The following RBM4 variants were observed in gnomAD, a reference collection of about 807,000 sequenced individuals.
The protein encoded by RBM4 is RNA binding motif protein 4, also known as RNA-binding protein 4.
In RBM4, 7 loss-of-function variants were observed where a neutral mutation model predicts 29.5. The ratio of observed to expected loss-of-function variants is 0.24; its 90% CI spans 0.14 to 0.45. The LOEUF (loss-of-function observed/expected upper bound fraction) is 0.45, where lower values mean the gene tolerates loss of function less well. Among genes scored for constraint, RBM4 ranks in the 20% least tolerant of loss-of-function variants. The pLI is 1.00. For missense variants in RBM4, 387 were observed against 502.3 expected, an observed-to-expected ratio of 0.77 and a Z score of 2.19; for synonymous variants, 220 against 205.4, an observed-to-expected ratio of 1.07 and a Z score of -0.61.
At chr11:66,654,999 T>G (rs1047318125) in intron 2 of RBM4, among the ~76,000 whole-genome samples, 4 of 151,896 alleles carry the variant, frequency 2.6e-5, no homozygotes, top group Non-Finnish European at 5.9e-5. Context: ...TAAATTTTTT[T>G]TTTGAGATGG....
At chr11:66,648,808 C>T (rs1273016614), downstream of RBM4, among the ~76,000 whole-genome samples, 1 of 151,310 alleles carries the variant, frequency 6.6e-6, no homozygotes, top group Non-Finnish European at 1.5e-5. Flanking sequence ...GGCAAGACTT[C>T]TCTCAAAAAA....
chr11:66,644,379 T>A, intron 3 of RBM4: 1 of 545,572 alleles, frequency 1.8e-6, no homozygotes, highest in Non-Finnish European at 3.0e-6. Flanking sequence ...ATTCTATTTG[T>A]GCCTAGAAAA....
chr11:66,640,506 T>A, intron 2 of RBM4: 1 of 405,768 alleles, frequency 2.5e-6, no homozygotes, highest in African/African-American at 2.0e-5. Flanking sequence ...GAATTCTGCA[T>A]TTTACGTGAA....
chr11:66,662,772 C>A (rs1298256993), intron 2 of RBM4, among the ~76,000 whole-genome samples: 2 of 152,212 alleles, frequency 1.3e-5, no homozygotes, highest in Non-Finnish European at 2.9e-5. Context: ...CTGAGGCCAG[C>A]AAAACCTGCA....
intron 3 of RBM4, 29 bp from the exon 4 acceptor site, chr11:66,645,998 T>G: frequency 6.5e-7 from 1 of 1,536,104 alleles, no homozygotes; most frequent in Non-Finnish European, 8.7e-7. Context: ...AGCTTTGCTG[T>G]AAAGCCGCTG....
intron 2 of RBM4, chr11:66,665,302 G>A (rs1011949103): frequency 5.4e-5 from 26 of 477,632 alleles, no homozygotes; most frequent in African/African-American, 5.0e-4. Flanking sequence ...GATAAGAGGG[G>A]TTCCACTGCA....
At chr11:66,646,510 G>A (rs1938699049), downstream of RBM4, 1 of 989,504 alleles carries the variant, frequency 1.0e-6, no homozygotes, top group Non-Finnish European at 1.2e-6. Flanking sequence ...GGGCTTGTTT[G>A]GGGGTTCATT....
rs372833572 is a variant in RBM4, at chr11:66,667,394, C to T, written c.*1429C>T. On this transcript the variant is annotated 3_prime_UTR_variant, in exon 3 of 3. Transcript: ENST00000396053. ...ACACATCTGAAAATTACCAGTTTAT[C>T]TAACTCCTTAAATGTTCCTCTCTTC... is the stretch of plus-strand genomic sequence containing the variant. 5.9e-5 allele frequency: 9 copies of T among 152,252 alleles called. No homozygotes were observed. In the East Asian group the frequency reaches 1.2e-3, roughly 20 times the overall value. The allele number at this position is 152,252 out of a possible 1,614,324, so 9.4% of individuals were successfully genotyped here.
chr11:66,654,420 C>T (rs1451455375), intron 2 of RBM4, among the ~76,000 whole-genome samples: 3 of 151,932 alleles, frequency 2.0e-5, no homozygotes, highest in Non-Finnish European at 2.9e-5. Context: ...GGCGTGAACC[C>T]GGGAGGCAGA....
At chr11:66,640,429 A>AT in intron 2 of RBM4, 1 of 523,002 alleles carries the variant, frequency 1.9e-6, no homozygotes, top group Non-Finnish European at 3.3e-6. Context: ...TTTATTTTTT[A>AT]TTTTTTTGTA....
intron 2 of RBM4, among the ~76,000 whole-genome samples, chr11:66,662,361 T>C (rs2135218965): frequency 6.6e-6 from 1 of 152,316 alleles, no homozygotes; most frequent in Admixed American, 6.5e-5. Context: ...CAGAAAATTT[T>C]TTTTCTTGTG....
At chr11:66,649,840 GTT>G (rs1458064219), downstream of RBM4, 8 of 686,896 alleles carry the variant, frequency 1.2e-5, no homozygotes, top group East Asian at 2.2e-4. Context: ...GCCTCCCAGA[GTT>G]TTTGCAGGGA....
intron 3 of RBM4, 144 bp from the exon 4 acceptor site, chr11:66,645,883 G>A: frequency 2.8e-6 from 4 of 1,422,022 alleles, no homozygotes; most frequent in Non-Finnish European, 2.8e-6. Context: ...CATTGTTAGA[G>A]ATTACTGTGA....
chr11:66,660,776 C>A lies in RBM4; in HGVS notation c.413-5080C>A, dbSNP rs184504013. Among the ~76,000 whole-genome samples the A allele has an allele frequency of 7.5e-3, 1,145 of 152,088 alleles. 44 individuals carry two copies. Among genetic ancestry groups the A allele is most frequent in the Admixed American group, 0.065 (989 of 15,254 alleles). On this transcript the variant is annotated intron_variant, in intron 2 of 2. Coordinates refer to the RBM4 transcript ENST00000396053. ...TCACGCCATTCTTCTGCCTCAGCCT[C>A]CCGAGTAGCTGGGACTACAGGCATG... is the stretch of plus-strand genomic sequence containing the variant.
At chr11:66,641,861 T>A (rs558133363) in intron 2 of RBM4, among the ~76,000 whole-genome samples, 1 of 152,350 alleles carries the variant, frequency 6.6e-6, no homozygotes, top group East Asian at 1.9e-4. Context: ...CTTGCCCACT[T>A]AAAATCTCTT....
In RBM4 at chr11:66,646,082, T is replaced by G; in HGVS notation, c.*64T>G. 6.5e-7 allele frequency: 1 copy of G among 1,535,780 alleles called. No individual in the cohort carries two copies. Among genetic ancestry groups the G allele is most frequent in the Non-Finnish European group, 8.7e-7 (1 of 1,146,808 alleles). On this transcript the variant is annotated 3_prime_UTR_variant, in exon 4 of 4. Coordinates refer to ENST00000310092, the MANE Select transcript of RBM4 (RefSeq NM_002896.4). ...TGCGGTTGTGCATGAGAATACACCC[T>G]TCGTGGTACCCCATCTCCGGGACGT...
intron 3 of RBM4, chr11:66,644,795 A>T: frequency 1.3e-6 from 1 of 779,864 alleles, no homozygotes; most frequent in Non-Finnish European, 1.6e-6. Context: ...AAGTTCCACA[A>T]GGAAGTCTGG....
Position 66,646,429 on chromosome 11 carries a change from C to G in RBM4, c.*411C>G. 9.6e-7 allele frequency: 1 copy of G among 1,036,676 alleles called. No homozygotes were observed. The highest frequency in any genetic ancestry group is 1.2e-6 in the Non-Finnish European group (1 of 863,400). The allele number at this position is 1,036,676 out of a possible 1,614,324, so 64.2% of individuals were successfully genotyped here. ...AGGCTAGACCTATAGAGTTGGATCACTTTTTTTCTTTCCGGTGAAATAAAT... is the reference window on the plus strand; with the variant it reads ...AGGCTAGACCTATAGAGTTGGATCAGTTTTTTTCTTTCCGGTGAAATAAAT... On this transcript the variant is annotated 3_prime_UTR_variant, in exon 4 of 4. Transcript: ENST00000310092.
exon 3 of RBM4, chr11:66,666,066 C>T (rs1939220998): frequency 1.3e-5 from 14 of 1,063,404 alleles, no homozygotes; most frequent in Non-Finnish European, 1.7e-5. Flanking sequence ...GGTAGGATAT[C>T]AAGGAGCAGC....
Sources: gnomAD v4.1 joint callset for allele counts (sites outside exome capture counted in the v4.1 genomes callset) on GRCh38, gnomAD v4.1.1 for gene constraint, MANE v1.5 for transcripts, NCBI Gene and HGNC (gene_info 2026-07-23, HGNC 2026-07-21) for gene names.